Variants in LAPTM4B observed in about 807,000 individuals in gnomAD.
LAPTM4B encodes lysosomal protein transmembrane 4 beta.
A neutral mutation model predicts 28.5 loss-of-function variants in LAPTM4B; 26 were observed. The ratio of observed to expected loss-of-function variants is 0.91; its 90% CI spans 0.67 to 1.27. The LOEUF is 1.27. Among genes scored for constraint, LAPTM4B ranks in the 50% most tolerant of loss-of-function variants. The pLI is 0.00. For synonymous variants in LAPTM4B, 109 were observed against 106.4 expected (o/e 1.02, Z -0.15); for missense variants, 288 against 285.8 (o/e 1.01, Z -0.06).
chr8:97,826,419 C>G (rs1817091991), intron 6 of LAPTM4B, among the ~76,000 whole-genome samples: 1 of 152,198 alleles, frequency 6.6e-6, no homozygotes, highest in African/African-American at 2.4e-5. Flanking sequence ...GTCTGTAACT[C>G]TCTTTGAAAG....
At chr8:97,783,904 C>T (rs141661718) in intron 1 of LAPTM4B, among the ~76,000 whole-genome samples, 126 of 152,218 alleles carry the variant, frequency 8.3e-4, no homozygotes, top group African/African-American at 2.8e-3. Context: ...ATTTGTATGC[C>T]GTTTCTTGCT....
At position 97,823,397 on chromosome 8, in the gene LAPTM4B, C is replaced by T. The variant is rs548711548; in HGVS notation, c.508-1661C>T. On this transcript the variant is annotated intron_variant, in intron 5 of 6. Transcript: ENST00000521545. The stretch of plus-strand genomic sequence containing the variant: ...TGTTGTTGTTGTTGTTTTTTTGAGA[C>T]GGAGTCTCACTCTGTCACCCAGGCT... Among the ~76,000 whole-genome samples, 281 of 133,942 alleles carry T rather than the reference C, an allele frequency of 2.1e-3. 1 individual carries two copies. The highest frequency in any genetic ancestry group is 7.6e-3 in the African/African-American group (266 of 35,188). 87.9% of individuals were successfully genotyped at this position (133,942 alleles called of 152,430 possible). A position where few individuals can be genotyped will look rare whatever the true frequency, so the allele number is the denominator to read the frequency against.
At chr8:97,835,885 G>A (rs1817252829) in intron 6 of LAPTM4B, among the ~76,000 whole-genome samples, 2 of 57,296 alleles carry the variant, frequency 3.5e-5, no homozygotes, top group Admixed American at 2.4e-4. Context: ...GGTGAGCAGC[G>A]GGCGCGGGCA....
intron 1 of LAPTM4B, among the ~76,000 whole-genome samples, chr8:97,804,827 G>A (rs933751215): frequency 6.7e-6 from 1 of 148,964 alleles, no homozygotes; most frequent in Non-Finnish European, 1.5e-5. Context: ...CCTGGAAAGG[G>A]TTATTGCAGA....
At chr8:97,791,948 G>A (rs1348318297) in intron 1 of LAPTM4B, among the ~76,000 whole-genome samples, 1 of 152,102 alleles carries the variant, frequency 6.6e-6, no homozygotes, top group African/African-American at 2.4e-5. Context: ...TGAGGAAGAC[G>A]TCCTAAAAGG....
At chr8:97,838,959 C>T (rs1817303029) in intron 6 of LAPTM4B, among the ~76,000 whole-genome samples, 2 of 152,182 alleles carry the variant, frequency 1.3e-5, no homozygotes, top group African/African-American at 4.8e-5. Flanking sequence ...GCTTCCCATA[C>T]CCCAGTCCCT....
chr8:97,842,004 G>A (rs1004824596), intron 6 of LAPTM4B, among the ~76,000 whole-genome samples: 8 of 152,116 alleles, frequency 5.3e-5, no homozygotes, highest in African/African-American at 1.7e-4. Flanking sequence ...ATCTTCCAAG[G>A]TTACAATTAA....
chr8:97,779,318 C>G (rs1208337842), intron 1 of LAPTM4B, among the ~76,000 whole-genome samples: 1 of 151,668 alleles, frequency 6.6e-6, no homozygotes, highest in African/African-American at 2.4e-5. Context: ...TGGTAAAACC[C>G]CATCTCTACT....
chr8:97,844,383 T>C (rs1441053770), intron 6 of LAPTM4B, among the ~76,000 whole-genome samples: 2 of 152,184 alleles, frequency 1.3e-5, no homozygotes, highest in African/African-American at 2.4e-5. Context: ...AAATGTGAGC[T>C]TCTGCATCCC....
At chr8:97,818,960 T>A (rs1319024975) in intron 4 of LAPTM4B, among the ~76,000 whole-genome samples, 180 bp from the exon 5 acceptor site, 4 of 151,928 alleles carry the variant, frequency 2.6e-5, no homozygotes, top group Non-Finnish European at 5.9e-5. Context: ...TGGATACCGA[T>A]CACTGACGTC....
At chr8:97,844,530 T>C (rs768313508) in intron 6 of LAPTM4B, among the ~76,000 whole-genome samples, 7 of 152,178 alleles carry the variant, frequency 4.6e-5, no homozygotes, top group Non-Finnish European at 8.8e-5. Flanking sequence ...GTAGTTTCCA[T>C]TGGGGTTTTG....
Position 97,825,057 on chromosome 8 carries a change from G to T in LAPTM4B, c.508-1G>T. ...ATCTGATAATCACTCCTCATTTTCA[G>T]GGTTACTTGATTAGCTGTGTTTGGA... is the stretch of plus-strand genomic sequence containing the variant. On this transcript the variant is annotated splice_acceptor_variant, in intron 5 of 6. Coordinates refer to ENST00000521545, the MANE Select transcript of LAPTM4B (RefSeq NM_018407.6). LOFTEE classifies it high-confidence loss of function. 1 of 1,576,300 alleles carries T rather than the reference G, an allele frequency of 6.3e-7. No individual in the cohort carries two copies. Among genetic ancestry groups the T allele is most frequent in the Non-Finnish European group, 8.7e-7 (1 of 1,146,298 alleles).
At chr8:97,819,670 T>C (rs36028805) in intron 5 of LAPTM4B, among the ~76,000 whole-genome samples, 68,452 of 150,266 alleles carry the variant, frequency 0.46, 16,018 homozygotes, top group East Asian at 0.58. Context: ...AATAGGGCTG[T>C]AGTGAATATA....
At chr8:97,793,697 G>C (rs1816540368) in intron 1 of LAPTM4B, among the ~76,000 whole-genome samples, 1 of 152,188 alleles carries the variant, frequency 6.6e-6, no homozygotes, top group African/African-American at 2.4e-5. Context: ...TTCCCAAATT[G>C]ATATACTAGA....
intron 1 of LAPTM4B, among the ~76,000 whole-genome samples, chr8:97,790,803 A>G (rs1816485086): frequency 6.6e-6 from 1 of 151,930 alleles, no homozygotes; most frequent in Non-Finnish European, 1.5e-5. Context: ...GCAGTGGCAC[A>G]GTCTTGGCTC....
At chr8:97,802,829 G>C (rs1816707137) in intron 1 of LAPTM4B, among the ~76,000 whole-genome samples, 1 of 152,230 alleles carries the variant, frequency 6.6e-6, no homozygotes, top group Non-Finnish European at 1.5e-5. Flanking sequence ...ACTCTGGGAA[G>C]TGGCTCTTCT....
intron 2 of LAPTM4B, among the ~76,000 whole-genome samples, chr8:97,813,589 C>A (rs1410034461): frequency 6.6e-6 from 1 of 152,238 alleles, no homozygotes; most frequent in East Asian, 1.9e-4. Flanking sequence ...CTACAGAATC[C>A]CCTGGATCTG....
intron 1 of LAPTM4B, among the ~76,000 whole-genome samples, chr8:97,776,414 T>C (rs1816217290): frequency 6.6e-6 from 1 of 152,210 alleles, no homozygotes; most frequent in Admixed American, 6.5e-5. Context: ...CGGCCTCGCG[T>C]AGGGCGCACC....
chr8:97,801,873 T>A (rs969238299), intron 1 of LAPTM4B, among the ~76,000 whole-genome samples: 23 of 148,708 alleles, frequency 1.5e-4, no homozygotes, highest in Non-Finnish European at 3.3e-4. Context: ...TATAGAGGGA[T>A]TGAAATGCCA....
Sources: allele counts gnomAD v4.1 joint callset (sites outside exome capture counted in the v4.1 genomes callset), GRCh38; gene constraint gnomAD v4.1.1; transcripts MANE v1.5; gene names NCBI Gene and HGNC (gene_info 2026-07-23, HGNC 2026-07-21).